FBLN5: variants seen among roughly 807,000 people sequenced by gnomAD.
FBLN5 encodes the protein fibulin-5.
Under a neutral mutation model 61.6 loss-of-function variants are expected in FBLN5, and 24 were observed. The observed-to-expected ratio is 0.39, with a 90% CI of 0.28 to 0.55. The LOEUF (loss-of-function observed/expected upper bound fraction) is 0.55, where lower values mean the gene tolerates loss of function less well. Ranked by LOEUF, FBLN5 falls within the 20% of genes least tolerant of loss-of-function variation. The pLI is 0.65. For missense variants in FBLN5, 470 were observed against 594.1 expected, an observed-to-expected ratio of 0.79 and a Z score of 2.17; for synonymous variants, 213 against 219.8, an observed-to-expected ratio of 0.97 and a Z score of 0.27.
intron 1 of FBLN5, chr14:91,946,715 ATC>A (rs778665897): frequency 4.6e-5 from 71 of 1,535,352 alleles, no homozygotes; most frequent in Middle Eastern, 1.7e-4. Context: ...GCTTACATGT[ATC>A]TCTGTCTGCA....
Position 91,947,394 on chromosome 14 carries a change from G to T in FBLN5, c.-165C>A. ...TGGAGAGGACACGGGGAGAGCGCCG[G>T]GGTCCTCCCAGCCACTGCAGAGCCC... On this transcript the variant is annotated 5_prime_UTR_variant, in exon 1 of 11. Coordinates refer to ENST00000342058, the MANE Select transcript of FBLN5 (RefSeq NM_006329.4). This position sits in a 1 kb window ranked among gnomAD's most constrained non-coding sequence, Gnocchi z 4.3. 1.3e-6 allele frequency: 1 copy of T among 769,190 alleles called. No homozygotes were observed. The highest frequency in any genetic ancestry group is 2.3e-6 in the Non-Finnish European group (1 of 441,976). The allele number at this position is 769,190 out of a possible 1,614,324, so 47.6% of individuals were successfully genotyped here. A position where few individuals can be genotyped will look rare whatever the true frequency, so the allele number is the denominator to read the frequency against.
At chr14:91,883,657 C>CAAAAAAA (rs58378742) in intron 7 of FBLN5, among the ~76,000 whole-genome samples, 9 of 129,310 alleles carry the variant, frequency 7.0e-5, no homozygotes, top group African/African-American at 1.4e-4. Flanking sequence ...AAAAAAAAAA[C>CAAAAAAA]AAAAAAAACA....
chr14:91,937,011 G>C lies in FBLN5; in HGVS notation c.315C>G (p.Pro105=). The C allele has an allele frequency of 3.7e-6, 6 of 1,614,176 alleles. No homozygotes were observed. Among genetic ancestry groups the C allele is most frequent in the Non-Finnish European group, 5.1e-6 (6 of 1,180,024 alleles). ...GGCATATAAGAGGCCTGGAGATCGT[G>C]GGATAGTTTGGAGCTGAGAGTGGTG... The part of the protein sequence containing the change: ...AAPPLSAPNY[P]TISRPLICRF... The change falls in exon 4 of 11, where the codon CCC becomes CCG. Residue 105 remains proline, a synonymous_variant. Coordinates refer to ENST00000342058, the MANE Select transcript of FBLN5 (RefSeq NM_006329.4).
chr14:91,894,721 AAAAT>A (rs1449589118), intron 5 of FBLN5, among the ~76,000 whole-genome samples: 1 of 152,206 alleles, frequency 6.6e-6, no homozygotes, highest in Non-Finnish European at 1.5e-5. Context: ...CTATGTCTCA[AAAAT>A]AAATAAATAC....
In FBLN5 at chr14:91,946,921, G is replaced by A. The variant is rs906038406; in HGVS notation, c.17+292C>T. 8.9e-6 allele frequency: 13 copies of A among 1,458,558 alleles called. No homozygotes were observed. In the African/African-American group the frequency reaches 1.4e-4, roughly 16 times the overall value. The allele number at this position is 1,458,558 out of a possible 1,614,324, so 90.4% of individuals were successfully genotyped here. A position where few individuals can be genotyped will look rare whatever the true frequency, so the allele number is the denominator to read the frequency against. ...AAAAATCCCTTAAAACGACAAAGTT[G>A]CTGCCCTTTCCAGAAAAGAAAGAGG... is the stretch of plus-strand genomic sequence containing the variant. On this transcript the variant is annotated intron_variant, in intron 1 of 10. Coordinates refer to ENST00000342058, the MANE Select transcript of FBLN5 (RefSeq NM_006329.4).
In FBLN5 at chr14:91,870,247, A is replaced by G. The variant is rs1436729432; in HGVS notation, c.1324T>C (p.Tyr442His). Residue 442 changes from tyrosine to histidine, a missense_variant, in exon 11 of 11, where the codon TAT (tyrosine) becomes CAT (histidine). Coordinates refer to ENST00000342058, the MANE Select transcript of FBLN5 (RefSeq NM_006329.4). ...GCTCAGAATGGGTACTGCGACACAT[A>G]TATCCGCAGTCGGATCACGGAGCTG... ...RGSSVIRLRI[Y>H]VSQYPF 2 of 1,614,180 alleles carry G rather than the reference A, an allele frequency of 1.2e-6. No individual in the cohort carries two copies. Among genetic ancestry groups the G allele is most frequent in the Non-Finnish European group, 1.7e-6 (2 of 1,180,006 alleles).
chr14:91,899,857 C>A lies in FBLN5; in HGVS notation c.380-4785G>T, dbSNP rs1890384042. Among the ~76,000 whole-genome samples the A allele has an allele frequency of 5.9e-5, 9 of 152,324 alleles. No homozygotes were observed. In the South Asian group the frequency reaches 1.9e-3, roughly 32 times the overall value. Reference sequence around the variant, plus strand: ...TCCTTCAAGTACAGAAAAGATCTTACAAAGGCACCAGATGAAGAAACTGGC... The same window carrying A: ...TCCTTCAAGTACAGAAAAGATCTTAAAAAGGCACCAGATGAAGAAACTGGC... On this transcript the variant is annotated intron_variant, in intron 4 of 10. Coordinates refer to ENST00000342058, the MANE Select transcript of FBLN5 (RefSeq NM_006329.4).
intron 4 of FBLN5, among the ~76,000 whole-genome samples, chr14:91,920,672 C>A (rs1276065573): frequency 6.6e-6 from 1 of 152,144 alleles, no homozygotes; most frequent in Non-Finnish European, 1.5e-5. Flanking sequence ...ATCAGCTGTT[C>A]CCACGATTCT....
chr14:91,873,710 G>A (rs1314904977), intron 10 of FBLN5: 1 of 152,286 alleles, frequency 6.6e-6, no homozygotes, highest in Non-Finnish European at 1.5e-5. Flanking sequence ...ATGACTGAAC[G>A]CCAGTGGACT....
chr14:91,930,138 T>C (rs1279546238), intron 4 of FBLN5, among the ~76,000 whole-genome samples: 1 of 152,178 alleles, frequency 6.6e-6, no homozygotes, highest in Non-Finnish European at 1.5e-5. Flanking sequence ...ATGATGAGAT[T>C]TGAGATAATG....
chr14:91,946,925 C>G lies in FBLN5; in HGVS notation c.17+288G>C, dbSNP rs375441956. 72 of 1,457,346 alleles carry G rather than the reference C, an allele frequency of 4.9e-5. No homozygotes were observed. The East Asian group carries it at 7.2e-4, about 15-fold the overall frequency. 90.3% of individuals were successfully genotyped at this position (1,457,346 alleles called of 1,614,324 possible). ...ATCCCTTAAAACGACAAAGTTGCTG[C>G]CCTTTCCAGAAAAGAAAGAGGAATG... On this transcript the variant is annotated intron_variant, in intron 1 of 10. Coordinates refer to ENST00000342058, the MANE Select transcript of FBLN5 (RefSeq NM_006329.4).
At chr14:91,899,602 C>T (rs1051950800) in intron 4 of FBLN5, among the ~76,000 whole-genome samples, 2 of 152,216 alleles carry the variant, frequency 1.3e-5, no homozygotes, top group African/African-American at 4.8e-5. Context: ...TCATCAAAAC[C>T]CATCAATATC....
intron 2 of FBLN5, among the ~76,000 whole-genome samples, chr14:91,942,560 T>G (rs60976221): frequency 0.015 from 2,287 of 152,346 alleles, 37 homozygotes; most frequent in African/African-American, 0.045. Flanking sequence ...TAGTGATGAA[T>G]TGATAGGTGC....
At chr14:91,902,139 C>T (rs1299078657) in intron 4 of FBLN5, among the ~76,000 whole-genome samples, 1 of 152,198 alleles carries the variant, frequency 6.6e-6, no homozygotes, top group Non-Finnish European at 1.5e-5. Context: ...GCCCATTCAA[C>T]TTTTGCCAGT....
intron 4 of FBLN5, among the ~76,000 whole-genome samples, chr14:91,904,904 A>T (rs569786829): frequency 6.6e-6 from 1 of 152,338 alleles, no homozygotes; most frequent in South Asian, 2.1e-4. Flanking sequence ...ACAGCTTGAC[A>T]TCCCAGATGG....
chr14:91,928,584 C>A (rs1196686317), intron 4 of FBLN5, among the ~76,000 whole-genome samples: 1 of 150,614 alleles, frequency 6.6e-6, no homozygotes, highest in African/African-American at 2.5e-5. Flanking sequence ...CTAGCCTGGA[C>A]AACATAGCAA....
chr14:91,910,213 G>A (rs2498826), intron 4 of FBLN5, among the ~76,000 whole-genome samples: 129,899 of 152,194 alleles, frequency 0.85, 56,129 homozygotes, highest in Admixed American at 0.92. Context: ...GGAAACTCTA[G>A]CACGTGCTAC....
chr14:91,890,845 AC>A lies in FBLN5; in HGVS notation c.619+375del, dbSNP rs540713139. On this transcript the variant is annotated intron_variant, in intron 6 of 10. Coordinates refer to ENST00000342058, the MANE Select transcript of FBLN5 (RefSeq NM_006329.4). The stretch of plus-strand genomic sequence containing the variant: ...GATTCTTGGAGGGCCAGGGACCCTG[AC>A]CAACCCTCCTCAGGCCTCAGGAACT... Among the ~76,000 whole-genome samples the A allele has an allele frequency of 2.5e-3, 383 of 152,274 alleles. 1 individual carries two copies. Among genetic ancestry groups the A allele is most frequent in the South Asian group, 6.8e-3 (33 of 4,824 alleles).
intron 4 of FBLN5, among the ~76,000 whole-genome samples, chr14:91,925,985 T>A (rs965733712): frequency 6.6e-6 from 1 of 152,098 alleles, no homozygotes; most frequent in Non-Finnish European, 1.5e-5. Flanking sequence ...AGGAAGGCAG[T>A]GGCGCTCCCC....
Sources: gnomAD v4.1 joint callset for allele counts (sites outside exome capture counted in the v4.1 genomes callset) on GRCh38, gnomAD v4.1.1 for gene constraint, Gnocchi (gnomAD v3.1) non-coding constraint, MANE v1.5 for transcripts, NCBI Gene and HGNC (gene_info 2026-07-23, HGNC 2026-07-21) for gene names.